SBNO2: variants seen among roughly 807,000 people sequenced by gnomAD.
SBNO2 encodes the protein strawberry notch homolog 2, also known as protein strawberry notch homolog 2.
Under a neutral mutation model 146.3 loss-of-function variants are expected in SBNO2, and 89 were observed. The observed-to-expected ratio is 0.61, with a 90% confidence interval of 0.51 to 0.73. The LOEUF (loss-of-function observed/expected upper bound fraction) is 0.73. SBNO2 is among the 30% of genes least tolerant of loss of function. The pLI is 0.00. For synonymous variants in SBNO2, 1,147 were observed against 892.6 expected (o/e 1.29, Z -5.08); for missense variants, 2,092 against 2,003.7 (o/e 1.04, Z -0.84).
At chr19:1,143,420 C>T (rs901124785) in intron 4 of SBNO2, among the ~76,000 whole-genome samples, 1 of 152,076 alleles carries the variant, frequency 6.6e-6, no homozygotes, top group African/African-American at 2.4e-5. Flanking sequence ...TGCAGTGAGC[C>T]GAGATTGCAC....
chr19:1,159,366 A>G (rs1451969801), intron 1 of SBNO2, among the ~76,000 whole-genome samples: 1 of 148,112 alleles, frequency 6.8e-6, no homozygotes, highest in African/African-American at 2.5e-5. Context: ...GTCCCTCAAC[A>G]TGGAGCCCGG....
chr19:1,113,849 T>C (rs2145198578), intron 18 of SBNO2, 145 bp from the exon 19 acceptor site: 1 of 1,120,760 alleles, frequency 8.9e-7, no homozygotes, highest in African/African-American at 1.7e-5. Flanking sequence ...CCCGGCACCG[T>C]GGCCCAGGAC....
chr19:1,114,322 G>A lies in SBNO2; in HGVS notation c.1986C>T (p.Gly662=), dbSNP rs1302583450. 2.6e-6 allele frequency: 4 copies of A among 1,556,346 alleles called. No individual in the cohort carries two copies. In the African/African-American group the frequency reaches 5.5e-5, roughly 21 times the overall value. ...SDDSSTESDP[G]LDSDFNSSPE... is the part of the protein sequence containing the mutation. ...GGGAGGAGTTGAAGTCGCTGTCCAG[G>A]CCAGGGTCCGACTCCGTGCTGCTGT... is the stretch of plus-strand genomic sequence containing the variant. Residue 662 remains glycine (G), a synonymous_variant, in exon 18 of 32, where the codon GGC becomes GGT. Transcript: ENST00000361757.
intron 2 of SBNO2, among the ~76,000 whole-genome samples, chr19:1,149,780 G>A (rs569709290): frequency 1.3e-5 from 2 of 152,332 alleles, no homozygotes; most frequent in Admixed American, 1.3e-4. Flanking sequence ...GGTGCCGCTG[G>A]CCCCGGGACC....
chr19:1,157,670 G>C lies in SBNO2; in HGVS notation c.-126-3268C>G, dbSNP rs2080304931. On this transcript the variant is annotated intron_variant, in intron 1 of 31. Coordinates refer to ENST00000361757, the MANE Select transcript of SBNO2 (RefSeq NM_014963.3). This position sits in a 1 kb window ranked among gnomAD's most constrained non-coding sequence, Gnocchi z 6.8. ...GGATGTGGCTTCCTTCTGAAATCAG[G>C]TCTTCAAGGGAGTCGTTGTAAAAGA... is the stretch of plus-strand genomic sequence containing the variant. Among the ~76,000 whole-genome samples the C allele has an allele frequency of 6.6e-6, 1 of 152,200 alleles. No homozygotes were observed. The highest frequency in any genetic ancestry group is 1.5e-5 in the Non-Finnish European group (1 of 68,036).
At position 1,110,359 on chromosome 19, in the gene SBNO2, G is replaced by C. The variant is rs1363432797; in HGVS notation, c.3028+386C>G. On this transcript the variant is annotated intron_variant, in intron 26 of 31. Transcript: ENST00000361757. This position sits in a 1 kb window ranked among gnomAD's most constrained non-coding sequence, Gnocchi z 4.9. ...GGTGCCCCGTGAAGCCTGGGGATGA[G>C]CATGGTGGGCAGCGTGCACCAGCCT... Among the ~76,000 whole-genome samples, 1 of 152,188 alleles carries C rather than the reference G, an allele frequency of 6.6e-6. No homozygotes were observed. Among genetic ancestry groups the C allele is most frequent in the East Asian group, 1.9e-4 (1 of 5,200 alleles).
At chr19:1,171,173 C>T (rs760584157) in intron 1 of SBNO2, among the ~76,000 whole-genome samples, 5 of 151,942 alleles carry the variant, frequency 3.3e-5, no homozygotes, top group African/African-American at 7.3e-5. Flanking sequence ...ATGAAACACA[C>T]GAGCAACACA....
In SBNO2 at chr19:1,110,284, T is replaced by C. The variant is rs1008151806; in HGVS notation, c.3028+461A>G. Among the ~76,000 whole-genome samples, 3 of 152,134 alleles carry C rather than the reference T, an allele frequency of 2.0e-5. No homozygotes were observed. Among genetic ancestry groups the C allele is most frequent in the African/African-American group, 7.2e-5 (3 of 41,416 alleles). ...GTCCTGATGGACAGGCCTGGCCCCA[T>C]GAGGCTGGAAGCACAGGCTCGCCGG... On this transcript the variant is annotated intron_variant, in intron 26 of 31. Transcript: ENST00000361757. The surrounding 1 kb of genome is among the most constrained non-coding windows in gnomAD (Gnocchi z 4.9).
intron 1 of SBNO2, among the ~76,000 whole-genome samples, chr19:1,172,772 G>GC (rs1354327867): frequency 6.3e-5 from 4 of 63,780 alleles, no homozygotes; most frequent in Admixed American, 2.1e-4. Context: ...AACACTCACT[G>GC]CAACCGCCCC....
At chr19:1,169,675 G>GC (rs1264282632) in intron 1 of SBNO2, among the ~76,000 whole-genome samples, 1 of 79,986 alleles carries the variant, frequency 1.3e-5, no homozygotes, top group Non-Finnish European at 3.2e-5. Context: ...GCTGGCTGCA[G>GC]GCTGCCTGAC....
At chr19:1,137,046 T>C (rs1337304599) in intron 4 of SBNO2, among the ~76,000 whole-genome samples, 1 of 145,968 alleles carries the variant, frequency 6.9e-6, no homozygotes, top group Non-Finnish European at 1.5e-5. Flanking sequence ...ACGCAAGGGA[T>C]CTGGGTGATG....
chr19:1,171,669 G>A (rs1011029905), intron 1 of SBNO2, among the ~76,000 whole-genome samples: 2 of 152,170 alleles, frequency 1.3e-5, no homozygotes, highest in Non-Finnish European at 2.9e-5. Context: ...TGCCGGAGGG[G>A]CATCCGTGAC....
At chr19:1,113,069 A>G (rs2079786359) in intron 19 of SBNO2, 120 bp from the exon 20 acceptor site, 1 of 1,118,082 alleles carries the variant, frequency 8.9e-7, no homozygotes, top group Non-Finnish European at 1.2e-6. Flanking sequence ...TGTGCACGGG[A>G]GGTGGGGGTG....
intron 1 of SBNO2, among the ~76,000 whole-genome samples, chr19:1,162,212 C>T (rs1252939230): frequency 6.8e-6 from 1 of 146,456 alleles, no homozygotes; most frequent in South Asian, 2.2e-4. Context: ...GTAATCCCAG[C>T]ACTTTGGGAG....
chr19:1,111,425 G>C, intron 24 of SBNO2, 81 bp downstream of exon 24: 1 of 989,190 alleles, frequency 1.0e-6, no homozygotes, highest in Non-Finnish European at 1.5e-6. Flanking sequence ...GGCCTACAAA[G>C]CCTGCTGCCC....
rs960097905 is a variant in SBNO2, at chr19:1,112,266, C to T, written c.2551G>A (p.Glu851Lys). The T allele has an allele frequency of 6.3e-7, 1 of 1,591,614 alleles. No homozygotes were observed. Among genetic ancestry groups the T allele is most frequent in the Non-Finnish European group, 8.5e-7 (1 of 1,169,776 alleles). The change falls in exon 22 of 32, where the codon GAG (glutamate) becomes AAG (lysine). Residue 851 changes from glutamate to lysine, a missense_variant. Transcript: ENST00000361757. This position sits in a 1 kb window ranked among gnomAD's most constrained non-coding sequence, Gnocchi z 5.9. ...AGCTCCGAGATGAGGAAGACATACT[C>T]TGGCGCGGAGACCTGGTTGGACCGG... is the stretch of plus-strand genomic sequence containing the variant. ...THRSNQVSAPEYVFLISELAG... is the reference protein window; with the variant it reads ...THRSNQVSAPKYVFLISELAG...
At position 1,112,156 on chromosome 19, in the gene SBNO2, C is replaced by T; in HGVS notation, c.2628+33G>A. ...CTTTGGAGAGCCTTCCTGGGCCTGT[C>T]CCTGGTTCTCAGCCCCACCCCCACC... On this transcript the variant is annotated intron_variant, in intron 22 of 31. Coordinates refer to ENST00000361757, the MANE Select transcript of SBNO2 (RefSeq NM_014963.3). This position sits in a 1 kb window ranked among gnomAD's most constrained non-coding sequence, Gnocchi z 5.9. 1.3e-6 allele frequency: 2 copies of T among 1,588,816 alleles called. No homozygotes were observed. Among genetic ancestry groups the T allele is most frequent in the Non-Finnish European group, 8.6e-7 (1 of 1,167,234 alleles).
chr19:1,143,583 C>A (rs1223973248), intron 4 of SBNO2, among the ~76,000 whole-genome samples: 1 of 152,312 alleles, frequency 6.6e-6, no homozygotes, highest in East Asian at 1.9e-4. Context: ...CTCCCGGGGG[C>A]TCCAGGGGAA....
At chr19:1,156,516 C>T (rs926990510) in intron 1 of SBNO2, among the ~76,000 whole-genome samples, 2 of 152,128 alleles carry the variant, frequency 1.3e-5, no homozygotes, top group Admixed American at 6.5e-5. Flanking sequence ...ACCACACCAC[C>T]GAGCAATTCC....
Sources: gnomAD v4.1 joint callset for allele counts (sites outside exome capture counted in the v4.1 genomes callset) on GRCh38, gnomAD v4.1.1 for gene constraint, Gnocchi (gnomAD v3.1) non-coding constraint, MANE v1.5 for transcripts, NCBI Gene and HGNC (gene_info 2026-07-23, HGNC 2026-07-21) for gene names.